The following MAGI2 variants were observed in gnomAD, a reference collection of about 807,000 sequenced individuals.
The protein encoded by MAGI2 is membrane associated guanylate kinase, WW and PDZ domain containing 2, also known as membrane-associated guanylate kinase, WW and PDZ domain-containing protein 2.
A neutral mutation model predicts 133.3 loss-of-function variants in MAGI2; 35 were observed. The observed-to-expected ratio is 0.26, with a 90% CI of 0.20 to 0.35. MAGI2 has a LOEUF of 0.35. Among genes scored for constraint, MAGI2 ranks in the 10% least tolerant of loss-of-function variants. MAGI2 has a pLI of 1.00. For missense variants in MAGI2, 1,636 were observed against 1,863.4 expected, an observed-to-expected ratio of 0.88 and a Z score of 2.25; for synonymous variants, 729 against 710.6, an observed-to-expected ratio of 1.03 and a Z score of -0.41.
chr7:78,467,478 T>C (rs1790752778), intron 6 of MAGI2, among the ~76,000 whole-genome samples: 1 of 152,024 alleles, frequency 6.6e-6, no homozygotes, highest in Non-Finnish European at 1.5e-5. Flanking sequence ...GGAGTTAAAC[T>C]AGTGGGAGCT....
intron 3 of MAGI2, among the ~76,000 whole-genome samples, chr7:78,584,727 G>C (rs1324739003): frequency 6.6e-6 from 1 of 152,154 alleles, no homozygotes; most frequent in African/African-American, 2.4e-5. Flanking sequence ...AGCTTGGGAG[G>C]TATGGCAGGA....
intron 21 of MAGI2, among the ~76,000 whole-genome samples, chr7:78,076,142 A>G (rs1815262250): frequency 6.6e-6 from 1 of 152,176 alleles, no homozygotes; most frequent in African/African-American, 2.4e-5. Flanking sequence ...ACAGTTAACA[A>G]TGCTGATGAT....
chr7:78,462,607 G>C (rs1454627786), intron 6 of MAGI2, among the ~76,000 whole-genome samples: 1 of 152,178 alleles, frequency 6.6e-6, no homozygotes, highest in African/African-American at 2.4e-5. Context: ...GGCTGATTTA[G>C]TGGAAGCAAA....
At chr7:78,086,709 G>A (rs1055505111) in intron 20 of MAGI2, among the ~76,000 whole-genome samples, 8 of 149,980 alleles carry the variant, frequency 5.3e-5, no homozygotes, top group Admixed American at 2.0e-4. Context: ...ACCTCGGCTC[G>A]CTGCAACATT....
chr7:78,501,363 G>A (rs1466085472), intron 5 of MAGI2, among the ~76,000 whole-genome samples: 2 of 151,998 alleles, frequency 1.3e-5, no homozygotes, highest in African/African-American at 4.8e-5. Context: ...ATTGTAGGGT[G>A]CTATTATTTA....
intron 1 of MAGI2, among the ~76,000 whole-genome samples, chr7:79,362,305 A>C (rs1842422995): frequency 1.3e-5 from 2 of 152,128 alleles, no homozygotes; most frequent in South Asian, 4.1e-4. Flanking sequence ...AAAAACTGCA[A>C]ACTACCAAAC....
At chr7:79,171,739 C>CAA (rs1331571986) in intron 1 of MAGI2, among the ~76,000 whole-genome samples, 10 of 34,146 alleles carry the variant, frequency 2.9e-4, no homozygotes, top group African/African-American at 4.8e-4. Flanking sequence ...AGACAATAGC[C>CAA]AAAAATATAT....
At chr7:78,688,285 G>T (rs1816594799) in intron 2 of MAGI2, among the ~76,000 whole-genome samples, 1 of 152,050 alleles carries the variant, frequency 6.6e-6, no homozygotes, top group Admixed American at 6.5e-5. Context: ...AAATTATATT[G>T]CTGGTCTCTC....
chr7:79,049,533 C>T (rs1003442437), intron 1 of MAGI2, among the ~76,000 whole-genome samples: 2 of 152,024 alleles, frequency 1.3e-5, no homozygotes, highest in African/African-American at 2.4e-5. Flanking sequence ...ATCCTAAATT[C>T]CTTGATTAAT....
chr7:78,319,551 C>T (rs916871288), intron 9 of MAGI2, among the ~76,000 whole-genome samples: 5 of 152,172 alleles, frequency 3.3e-5, no homozygotes, highest in East Asian at 1.9e-4. Context: ...GAAATAAAGG[C>T]AGAAATAAAG....
At chr7:78,762,779 T>C (rs1001197881) in intron 2 of MAGI2, among the ~76,000 whole-genome samples, 1 of 152,216 alleles carries the variant, frequency 6.6e-6, no homozygotes, top group South Asian at 2.1e-4. Flanking sequence ...CTATTTTTCC[T>C]AGGATTACTA....
At chr7:78,382,889 G>A (rs562873461) in intron 6 of MAGI2, among the ~76,000 whole-genome samples, 10 of 152,060 alleles carry the variant, frequency 6.6e-5, no homozygotes, top group Admixed American at 5.2e-4. Flanking sequence ...CTTACTCCAC[G>A]TAAGATAATG....
chr7:78,105,794 T>C (rs554857028), intron 20 of MAGI2, among the ~76,000 whole-genome samples: 37 of 152,278 alleles, frequency 2.4e-4, no homozygotes, highest in African/African-American at 8.7e-4. Context: ...GCATACAATG[T>C]GTAATAATCA....
chr7:78,055,923 T>G (rs776682148), intron 21 of MAGI2, among the ~76,000 whole-genome samples: 11 of 152,170 alleles, frequency 7.2e-5, no homozygotes, highest in Non-Finnish European at 1.2e-4. Flanking sequence ...GGAGCTCCTG[T>G]GTGGCAGTGT....
chr7:78,682,027 T>C (rs1815726372), intron 2 of MAGI2, among the ~76,000 whole-genome samples: 2 of 152,034 alleles, frequency 1.3e-5, no homozygotes, highest in Admixed American at 6.6e-5. Flanking sequence ...CAATTTTTTT[T>C]ATAATTTAAG....
intron 9 of MAGI2, among the ~76,000 whole-genome samples, chr7:78,288,630 T>A (rs1016116140): frequency 6.6e-6 from 1 of 152,202 alleles, no homozygotes; most frequent in East Asian, 1.9e-4. Context: ...GTTTGAGATC[T>A]GAGACTGGGC....
At chr7:78,243,261 ACACACACACTCTCTCTCT>A (rs1354383375) in intron 10 of MAGI2, among the ~76,000 whole-genome samples, 423 of 43,574 alleles carry the variant, frequency 9.7e-3, no homozygotes, top group African/African-American at 0.023. Flanking sequence ...ACACACACAC[ACACACACACTCTCTCTCT>A]CTCTCTCTTA....
At chr7:78,857,874 G>A (rs541244162) in intron 2 of MAGI2, among the ~76,000 whole-genome samples, 3 of 152,178 alleles carry the variant, frequency 2.0e-5, no homozygotes, top group East Asian at 1.9e-4. Flanking sequence ...CTGTGATTCC[G>A]TCTGGTCCTG....
Position 78,741,409 on chromosome 7 carries a change from AC to A in MAGI2, c.419-114171del, listed in dbSNP as rs1455279584. ...CACACACACACACACACACACACAC[AC>A]ACACACACACACACACACGGGAGGG... On this transcript the variant is annotated intron_variant, in intron 2 of 21. Transcript: ENST00000354212. 2.3e-4 allele frequency among the ~76,000 whole-genome samples: 34 copies of A among 145,546 alleles called. No individual in the cohort carries two copies. In the East Asian group the frequency reaches 2.7e-3, roughly 12 times the overall value.
Sources: gnomAD v4.1 joint callset for allele counts (sites outside exome capture counted in the v4.1 genomes callset) on GRCh38, gnomAD v4.1.1 for gene constraint, MANE v1.5 for transcripts, NCBI Gene and HGNC (gene_info 2026-07-23, HGNC 2026-07-21) for gene names.